The following GRM8 variants were observed in gnomAD, a reference collection of about 807,000 sequenced individuals.
The protein encoded by GRM8 is metabotropic glutamate receptor 8.
In GRM8, 47 loss-of-function variants were observed where a neutral mutation model predicts 87.2. That is an observed-to-expected ratio of 0.54 (90% CI 0.43 to 0.69). The LOEUF is 0.69. Among genes scored for constraint, GRM8 ranks in the 30% least tolerant of loss-of-function variants. The pLI, the probability that GRM8 is intolerant of heterozygous loss-of-function variation, is 0.00. For missense variants in GRM8, 1,019 were observed against 1,139.2 expected (o/e 0.89, Z 1.52); for synonymous variants, 396 against 404.5 (o/e 0.98, Z 0.25).
intron 8 of GRM8, among the ~76,000 whole-genome samples, chr7:126,546,884 A>G (rs1451969142): frequency 1.3e-5 from 2 of 152,224 alleles, no homozygotes; most frequent in East Asian, 3.8e-4. Flanking sequence ...CTTGCTACAA[A>G]GTAAATCAAG....
chr7:126,506,076 G>A (rs1235708762), intron 9 of GRM8, among the ~76,000 whole-genome samples: 3 of 151,968 alleles, frequency 2.0e-5, no homozygotes, highest in Non-Finnish European at 4.4e-5. Context: ...ACATATAAGT[G>A]AGATCATACA....
At chr7:126,933,065 T>C (rs1805931979) in intron 3 of GRM8, among the ~76,000 whole-genome samples, 1 of 152,118 alleles carries the variant, frequency 6.6e-6, no homozygotes, top group Non-Finnish European at 1.5e-5. Context: ...AGCCCAAGAT[T>C]CTTTCTCTAA....
At chr7:126,720,514 T>C (rs952107843) in intron 7 of GRM8, among the ~76,000 whole-genome samples, 9 of 152,290 alleles carry the variant, frequency 5.9e-5, no homozygotes, top group African/African-American at 2.2e-4. Context: ...GGGTTTCATA[T>C]GTGAATATAA....
chr7:126,777,419 G>A lies in GRM8; in HGVS notation c.1157-7354C>T, dbSNP rs77649705. ...AACGGCAATTTAAAATCAGGTCTAC[G>A]TGACTCAAAACCTCTGCCATTACCG... On this transcript the variant is annotated intron_variant, in intron 6 of 10. Transcript: ENST00000339582. 4.7e-3 allele frequency among the ~76,000 whole-genome samples: 716 copies of A among 152,194 alleles called. 6 individuals carry two copies. Among genetic ancestry groups the A allele is most frequent in the African/African-American group, 0.016 (684 of 41,552 alleles).
intron 6 of GRM8, among the ~76,000 whole-genome samples, chr7:126,894,451 A>G (rs536592830): frequency 1.8e-4 from 27 of 152,182 alleles, no homozygotes; most frequent in Middle Eastern, 6.8e-3. Context: ...TTTTGCAGAA[A>G]GGATTTCCTA....
chr7:126,627,882 T>C (rs960005993), intron 7 of GRM8, among the ~76,000 whole-genome samples: 1 of 152,246 alleles, frequency 6.6e-6, no homozygotes, highest in Non-Finnish European at 1.5e-5. Context: ...TGCATTTTTA[T>C]TCACTATTGG....
intron 7 of GRM8, among the ~76,000 whole-genome samples, chr7:126,653,206 G>A (rs149278974): frequency 6.2e-4 from 94 of 151,546 alleles, no homozygotes; most frequent in Middle Eastern, 3.4e-3. Context: ...GGGAGGCTGA[G>A]GTGGAGGATC....
At chr7:126,551,657 T>G (rs1792600556) in intron 8 of GRM8, among the ~76,000 whole-genome samples, 1 of 151,740 alleles carries the variant, frequency 6.6e-6, no homozygotes, top group African/African-American at 2.4e-5. Flanking sequence ...CAGCTCAGTT[T>G]TATGCCCTGT....
chr7:127,243,234 A>C lies in GRM8; in HGVS notation c.-30T>G. ...TCCACAGGTGGTATTGCAATCCAAG[A>C]CCCAAAGTTTATTCTTGCCACAGAA... On this transcript the variant is annotated 5_prime_UTR_variant, in exon 2 of 11. Transcript: ENST00000339582. 1 of 1,576,534 alleles carries C rather than the reference A, an allele frequency of 6.3e-7. No individual in the cohort carries two copies. Among genetic ancestry groups the C allele is most frequent in the African/African-American group, 1.3e-5 (1 of 74,240 alleles).
intron 9 of GRM8, among the ~76,000 whole-genome samples, chr7:126,492,073 T>C (rs1320614226): frequency 1.3e-5 from 2 of 152,006 alleles, no homozygotes; most frequent in Non-Finnish European, 2.9e-5. Flanking sequence ...TTATTTTTCT[T>C]TGAGGCAGGG....
chr7:126,809,822 G>C (rs1044018850), intron 6 of GRM8, among the ~76,000 whole-genome samples: 28 of 152,010 alleles, frequency 1.8e-4, no homozygotes, highest in African/African-American at 6.8e-4. Context: ...TGCCTTAGGG[G>C]TTCACTAAAG....
chr7:126,545,820 T>C (rs1817089366), intron 8 of GRM8, among the ~76,000 whole-genome samples: 1 of 152,228 alleles, frequency 6.6e-6, no homozygotes, highest in African/African-American at 2.4e-5. Flanking sequence ...TCAGAATATT[T>C]CATTTAATTA....
chr7:126,600,785 A>G (rs1797664239), intron 8 of GRM8, among the ~76,000 whole-genome samples: 1 of 152,184 alleles, frequency 6.6e-6, no homozygotes, highest in Admixed American at 6.6e-5. Context: ...AAACAGAGAT[A>G]TAAGTAATGA....
chr7:126,710,543 A>G (rs1246894008), intron 7 of GRM8, among the ~76,000 whole-genome samples: 1 of 152,222 alleles, frequency 6.6e-6, no homozygotes, highest in African/African-American at 2.4e-5. Context: ...TTGATCATCC[A>G]TAAGAAGGTA....
At chr7:126,657,503 C>T (rs538421401) in intron 7 of GRM8, among the ~76,000 whole-genome samples, 21 of 152,176 alleles carry the variant, frequency 1.4e-4, no homozygotes, top group South Asian at 6.2e-4. Flanking sequence ...AAATTTCTAA[C>T]GTTTACTAAT....
intron 8 of GRM8, among the ~76,000 whole-genome samples, chr7:126,561,208 C>T (rs1793654864): frequency 6.6e-6 from 1 of 152,178 alleles, no homozygotes; most frequent in African/African-American, 2.4e-5. Flanking sequence ...CGCAGTGGCT[C>T]ACACCTGTAG....
intron 3 of GRM8, among the ~76,000 whole-genome samples, chr7:126,976,345 C>T (rs1271917919): frequency 2.0e-5 from 3 of 152,162 alleles, no homozygotes; most frequent in African/African-American, 7.2e-5. Flanking sequence ...CCTATAATCC[C>T]AGCACTTTGG....
intron 2 of GRM8, among the ~76,000 whole-genome samples, chr7:127,130,348 A>G (rs1418336875): frequency 6.6e-6 from 1 of 152,192 alleles, no homozygotes; most frequent in East Asian, 1.9e-4. Flanking sequence ...AGGTTGGAAC[A>G]GTTTGGAGGG....
intron 3 of GRM8, among the ~76,000 whole-genome samples, chr7:127,003,248 G>T (rs940692242): frequency 4.6e-5 from 7 of 151,662 alleles, no homozygotes; most frequent in Admixed American, 1.3e-4. Flanking sequence ...TGTTTACTTC[G>T]TTAAATGAAT....
Sources: allele counts gnomAD v4.1 joint callset (sites outside exome capture counted in the v4.1 genomes callset), GRCh38; gene constraint gnomAD v4.1.1; transcripts MANE v1.5; gene names NCBI Gene and HGNC (gene_info 2026-07-23, HGNC 2026-07-21).